SETD2: variants seen among roughly 807,000 people sequenced by gnomAD.
SETD2 encodes the protein SET domain containing 2, histone lysine methyltransferase, also known as histone-lysine N-methyltransferase SETD2.
Under a neutral mutation model 242.1 loss-of-function variants are expected in SETD2, and 31 were observed. The observed-to-expected ratio is 0.13, with a 90% CI of 0.10 to 0.17. The LOEUF is 0.17. SETD2 is among the 10% of genes least tolerant of loss of function. The pLI is 1.00. For synonymous variants in SETD2, 1,006 were observed against 1,066.5 expected (o/e 0.94, Z 1.11); for missense variants, 2,481 against 3,046.3 (o/e 0.81, Z 4.37).
chr3:47,145,512 A>G (rs1053079796), intron 1 of SETD2: 33 of 436,312 alleles, frequency 7.6e-5, no homozygotes, highest in Admixed American at 2.2e-4. Context: ...CTCCTACCTC[A>G]GGCTCCTGAA....
chr3:47,097,218 G>A (rs13061071), intron 9 of SETD2, among the ~76,000 whole-genome samples: 73,864 of 151,958 alleles, frequency 0.49, 19,454 homozygotes, highest in Non-Finnish European at 0.58. Context: ...AGATTCACAG[G>A]TCTAGAGAGT....
chr3:47,114,099 T>C (rs2042762309), intron 4 of SETD2, 95 bp from the exon 5 acceptor site: 1 of 1,256,820 alleles, frequency 8.0e-7, no homozygotes, highest in African/African-American at 1.5e-5. Flanking sequence ...CATATATACA[T>C]ACTTTTATGG....
In SETD2 at chr3:47,122,196, G is replaced by T. The variant is rs1229889888; in HGVS notation, c.2440C>A (p.Pro814Thr). The change falls in exon 3 of 21, where the codon CCT becomes ACT. Residue 814 changes from proline to threonine, a missense_variant. Around this residue, in one of 17 missense-constraint regions of SETD2, gnomAD observed 1,300 missense variants for 1,259.2 expected, o/e 1.03. Transcript: ENST00000409792. ...TTTGAAGAAATCTTCATAACTGAAG[G>T]CTCAATATTTTCAGCTTCAGAGTTA... ...LCNSEAENIEPSVMKISSNSF... is the reference protein window; with the variant it reads ...LCNSEAENIETSVMKISSNSF... The T allele has an allele frequency of 5.0e-6, 8 of 1,613,912 alleles. No homozygotes were observed. The highest frequency in any genetic ancestry group is 6.8e-6 in the Non-Finnish European group (8 of 1,179,892).
intron 15 of SETD2, among the ~76,000 whole-genome samples, chr3:47,052,910 G>A (rs2039911765): frequency 6.6e-6 from 1 of 151,510 alleles, no homozygotes; most frequent in Admixed American, 6.6e-5. Flanking sequence ...TATTTTTTGA[G>A]ACAGAGTCTC....
intron 1 of SETD2, among the ~76,000 whole-genome samples, chr3:47,134,943 G>T (rs1312171162): frequency 6.6e-6 from 1 of 152,022 alleles, no homozygotes; most frequent in East Asian, 1.9e-4. Flanking sequence ...TTTTAGAAAG[G>T]TAACACTTAA....
At chr3:47,116,577 T>C (rs1230954166) in intron 4 of SETD2, 46 bp downstream of exon 4, 3 of 1,562,104 alleles carry the variant, frequency 1.9e-6, no homozygotes, top group Non-Finnish European at 2.6e-6. Flanking sequence ...TTTAGAGACA[T>C]TTAATAGAAG....
rs1352334248 is a variant in SETD2, at chr3:47,050,722, T to TC, written c.6964-4102dup. On this transcript the variant is annotated intron_variant, in intron 15 of 20. Transcript: ENST00000409792. The stretch of plus-strand genomic sequence containing the variant: ...ACTCAACCTGTATACATTTCCTCTC[T>TC]CTTTTTTTTTTTTTTTTTTTTTTTT... Among the ~76,000 whole-genome samples the TC allele has an allele frequency of 2.0e-3, 243 of 122,700 alleles. 3 individuals are homozygous for TC. The highest frequency in any genetic ancestry group is 3.1e-3 in the Non-Finnish European group (189 of 60,178). 80.5% of individuals were successfully genotyped at this position (122,700 alleles called of 152,430 possible).
At chr3:47,055,620 G>A (rs1472970591) in intron 15 of SETD2, among the ~76,000 whole-genome samples, 1 of 151,950 alleles carries the variant, frequency 6.6e-6, no homozygotes, top group Non-Finnish European at 1.5e-5. Flanking sequence ...TTGAGCCCAG[G>A]AGTTTAAGGC....
At chr3:47,134,196 A>C (rs78682084) in intron 1 of SETD2, among the ~76,000 whole-genome samples, 4,638 of 152,206 alleles carry the variant, frequency 0.03, 231 homozygotes, top group East Asian at 0.13. Context: ...TAATTTTAGG[A>C]TTCTAAATCC....
intron 17 of SETD2, 35 bp from the exon 18 acceptor site, chr3:47,037,812 C>T: frequency 6.8e-7 from 1 of 1,462,916 alleles, no homozygotes; most frequent in Non-Finnish European, 9.6e-7. Context: ...GCTGTCAGGG[C>T]TAGGAAACAG....
rs1157124836 is a variant in SETD2, at chr3:47,122,910, T to C, written c.1726A>G (p.Thr576Ala). The change falls in exon 3 of 21, where the codon ACA (threonine) becomes GCA (alanine). Residue 576 changes from threonine (T) to alanine (A), a missense_variant. Physicochemically the swap from Thr to Ala is moderately conservative, Grantham distance 58 (BLOSUM62 0). Transcript: ENST00000409792. ...SDKFKNSFCC[T>A]ELNEEIKQSH... ...TGTTTGATTTCTTCATTTAATTCTG[T>C]ACAACAGAAAGAATTTTTAAATTTA... 1.2e-6 allele frequency: 2 copies of C among 1,610,688 alleles called. No individual in the cohort carries two copies. Among genetic ancestry groups the C allele is most frequent in the Non-Finnish European group, 1.7e-6 (2 of 1,178,794 alleles).
At chr3:47,142,123 G>T (rs1218659032) in intron 1 of SETD2, among the ~76,000 whole-genome samples, 2 of 152,172 alleles carry the variant, frequency 1.3e-5, no homozygotes, top group East Asian at 1.9e-4. Flanking sequence ...GTAAAAGGTT[G>T]TAACAGTGAC....
At chr3:47,107,720 C>CGGCGGGGGGCGGGGGGGGGGGGG (rs1177164556) in intron 5 of SETD2, among the ~76,000 whole-genome samples, 1 of 129,770 alleles carries the variant, frequency 7.7e-6, no homozygotes, top group African/African-American at 2.8e-5. Flanking sequence ...CTTTGGGTGG[C>CGGCGGGGGGCGGGGGGGGGGGGG]GGGGGGGGGT....
Position 47,067,065 on chromosome 3 carries a change from C to T in SETD2, c.6109+5G>A, listed in dbSNP as rs2107600137. 6.2e-7 allele frequency: 1 copy of T among 1,602,854 alleles called. No homozygotes were observed. The highest frequency in any genetic ancestry group is 8.5e-7 in the Non-Finnish European group (1 of 1,170,270). Reference sequence around the variant, plus strand: ...CATCAACACAGAGTATCTCTGAATACCTACTTGTGTTTTCCTTTTCAGTTT... The same window carrying T: ...CATCAACACAGAGTATCTCTGAATATCTACTTGTGTTTTCCTTTTCAGTTT... On this transcript the variant is annotated splice_donor_5th_base_variant and intron_variant, in intron 13 of 20. Coordinates refer to ENST00000409792, the MANE Select transcript of SETD2 (RefSeq NM_014159.7).
rs933140047 is a variant in SETD2, at chr3:47,133,728, G to C, written c.72-7065C>G. 2.6e-5 allele frequency among the ~76,000 whole-genome samples: 4 copies of C among 152,058 alleles called. 1 individual carries two copies. The highest frequency in any genetic ancestry group is 6.5e-5 in the Admixed American group (1 of 15,272). On this transcript the variant is annotated intron_variant, in intron 1 of 20. Transcript: ENST00000409792. ...AGTCTGGGCCACAGAGTGAGACCCT[G>C]TCTCAAAAAAAAGAGTATGTGGACC...
At chr3:47,120,101 TAC>T (rs1177748302) in intron 3 of SETD2, 79 bp downstream of exon 3, 17 of 1,130,940 alleles carry the variant, frequency 1.5e-5, no homozygotes, top group Non-Finnish European at 2.1e-5. Context: ...TTTAATCTCA[TAC>T]AGTCTGAATT....
chr3:47,146,366 G>A (rs1457815659), intron 1 of SETD2, among the ~76,000 whole-genome samples: 1 of 152,114 alleles, frequency 6.6e-6, no homozygotes. Context: ...GGTGGCTCAC[G>A]CCTGTAATTC....
At chr3:47,097,161 A>G (rs1179635261) in intron 9 of SETD2, among the ~76,000 whole-genome samples, 1 of 152,206 alleles carries the variant, frequency 6.6e-6, no homozygotes, top group Admixed American at 6.5e-5. Flanking sequence ...AAAGAATCAC[A>G]GGGGAATTTG....
chr3:47,146,515 C>T (rs955228545), intron 1 of SETD2, among the ~76,000 whole-genome samples: 1 of 151,736 alleles, frequency 6.6e-6, no homozygotes, highest in Non-Finnish European at 1.5e-5. Context: ...CTAATACCAG[C>T]TACTCGGGAG....
Sources: allele counts gnomAD v4.1 joint callset (sites outside exome capture counted in the v4.1 genomes callset), GRCh38; gene constraint gnomAD v4.1.1; regional missense constraint gnomAD v4.1.1; transcripts MANE v1.5; gene names NCBI Gene and HGNC (gene_info 2026-07-23, HGNC 2026-07-21).